Variants in HRH1 observed in about 807,000 individuals in gnomAD.
HRH1 encodes histamine H1 receptor.
In HRH1, 6 loss-of-function variants were observed where a neutral mutation model predicts 10.3. The ratio of observed to expected loss-of-function variants is 0.58; its 90% CI spans 0.32 to 1.15. The LOEUF (loss-of-function observed/expected upper bound fraction) is 1.15. HRH1 is among the 50% of genes most tolerant of loss of function. HRH1 has a pLI of 0.05. For synonymous variants in HRH1, 242 were observed against 236.7 expected (o/e 1.02, Z -0.21); for missense variants, 514 against 615.3 (o/e 0.84, Z 1.74).
upstream of HRH1, among the ~76,000 whole-genome samples, chr3:11,153,468 G>A (rs1326944423): frequency 2.0e-5 from 3 of 152,086 alleles, no homozygotes; most frequent in Admixed American, 6.5e-5. Flanking sequence ...CTGCTACTGG[G>A]AGGAGGCTAA....
intron 1 of HRH1, among the ~76,000 whole-genome samples, chr3:11,185,410 C>T (rs115835500): frequency 1.3e-5 from 2 of 152,288 alleles, no homozygotes; most frequent in African/African-American, 2.4e-5. Context: ...TTTGTCTACC[C>T]ATTAAATGTG....
intron 1 of HRH1, among the ~76,000 whole-genome samples, chr3:11,156,782 C>A (rs1307352354): frequency 1.3e-5 from 2 of 152,180 alleles, no homozygotes; most frequent in Non-Finnish European, 2.9e-5. Flanking sequence ...GTTGTTGTTG[C>A]TATTAAGGCC....
intron 1 of HRH1, among the ~76,000 whole-genome samples, chr3:11,241,048 T>C (rs1321701176): frequency 6.6e-6 from 1 of 152,176 alleles, no homozygotes; most frequent in Non-Finnish European, 1.5e-5. Context: ...TTTATTTTTA[T>C]TTTTTTATTG....
intron 1 of HRH1, among the ~76,000 whole-genome samples, chr3:11,180,600 CT>C (rs1211499608): frequency 3.9e-5 from 6 of 152,110 alleles, no homozygotes; most frequent in African/African-American, 1.4e-4. Flanking sequence ...TTGGGTACCC[CT>C]GTCCTATACC....
At chr3:11,228,390 T>A (rs995520730) in intron 1 of HRH1, among the ~76,000 whole-genome samples, 5 of 150,842 alleles carry the variant, frequency 3.3e-5, no homozygotes, top group African/African-American at 9.7e-5. Context: ...CTAACAAAAT[T>A]TTTTTTTTTA....
At chr3:11,168,839 G>T (rs1050203233) in intron 1 of HRH1, among the ~76,000 whole-genome samples, 1 of 152,258 alleles carries the variant, frequency 6.6e-6, no homozygotes, top group East Asian at 1.9e-4. Context: ...GAACCCGGGA[G>T]TGATGTCTCT....
chr3:11,242,530 G>A (rs1174239586), intron 1 of HRH1, among the ~76,000 whole-genome samples: 1 of 143,828 alleles, frequency 7.0e-6, no homozygotes, highest in Non-Finnish European at 1.5e-5. Flanking sequence ...TCACTGCAAA[G>A]GTCTGCGTCG....
chr3:11,181,150 G>A (rs887451511), intron 1 of HRH1, among the ~76,000 whole-genome samples: 1 of 152,086 alleles, frequency 6.6e-6, no homozygotes. Flanking sequence ...AGGCCTAGTG[G>A]CATGTGCCTG....
At chr3:11,194,502 C>T (rs1463036738) in intron 1 of HRH1, among the ~76,000 whole-genome samples, 2 of 152,156 alleles carry the variant, frequency 1.3e-5, no homozygotes, top group African/African-American at 2.4e-5. Flanking sequence ...CTTCATATAC[C>T]AACTGTACTA....
chr3:11,152,310 C>T (rs971987218), upstream of HRH1, among the ~76,000 whole-genome samples: 3 of 152,160 alleles, frequency 2.0e-5, no homozygotes, highest in Non-Finnish European at 4.4e-5. Context: ...TTGATTGTGC[C>T]CTTCTGCTCC....
Position 11,197,165 on chromosome 3 carries a change from A to G in HRH1, c.-36+42611A>G, listed in dbSNP as rs1054843912. 9.3e-5 allele frequency among the ~76,000 whole-genome samples: 14 copies of G among 151,022 alleles called. 1 individual carries two copies. Among genetic ancestry groups the G allele is most frequent in the Admixed American group, 8.6e-4 (13 of 15,192 alleles). On this transcript the variant is annotated intron_variant, in intron 1 of 1. Coordinates refer to ENST00000431010, the MANE Select transcript of HRH1 (RefSeq NM_001098212.2). Reference sequence around the variant, plus strand: ...AGCAGAATCTCAGGCTGGCCCAGCCATATTCAACTGGAATCTGAAATATAA... The same window carrying G: ...AGCAGAATCTCAGGCTGGCCCAGCCGTATTCAACTGGAATCTGAAATATAA...
intron 1 of HRH1, among the ~76,000 whole-genome samples, chr3:11,254,586 T>G (rs1939736889): frequency 6.6e-6 from 1 of 152,198 alleles, no homozygotes; most frequent in Non-Finnish European, 1.5e-5. Flanking sequence ...AGAGTCCAGG[T>G]TTATTCATCA....
chr3:11,161,864 C>T (rs1292190767), intron 1 of HRH1, among the ~76,000 whole-genome samples: 1 of 152,210 alleles, frequency 6.6e-6, no homozygotes. Context: ...ACTGGTCTCT[C>T]CTGTAGGGGG....
At chr3:11,168,012 G>T (rs1559258368) in intron 1 of HRH1, among the ~76,000 whole-genome samples, 1 of 152,170 alleles carries the variant, frequency 6.6e-6, no homozygotes, top group African/African-American at 2.4e-5. Context: ...AAGGTGTAAG[G>T]TGAAATGCAG....
intron 1 of HRH1, among the ~76,000 whole-genome samples, chr3:11,144,399 A>ATAGACG (rs1559249675): frequency 2.2e-4 from 6 of 27,782 alleles, no homozygotes; most frequent in Non-Finnish European, 6.3e-4. Flanking sequence ...GTATATATAC[A>ATAGACG]TATAGACATA....
intron 1 of HRH1, among the ~76,000 whole-genome samples, chr3:11,172,327 T>C (rs1335484141): frequency 6.6e-6 from 1 of 152,252 alleles, no homozygotes; most frequent in Admixed American, 6.5e-5. Context: ...GCAGTAGCCC[T>C]GTTGGGTCAC....
Position 11,247,410 on chromosome 3 carries a change from C to T in HRH1, c.-35-11593C>T, listed in dbSNP as rs117939919. Among the ~76,000 whole-genome samples the T allele has an allele frequency of 7.0e-4, 106 of 152,324 alleles. No homozygotes were observed. The East Asian group carries it at 0.014, about 21-fold the overall frequency. On this transcript the variant is annotated intron_variant, in intron 1 of 1. Coordinates refer to ENST00000431010, the MANE Select transcript of HRH1 (RefSeq NM_001098212.2). ...CAGGGTAGGGCAGGGGTTTTTATCC[C>T]TAATGCAGTTCCTAGCACTTCTGTG...
In HRH1 at chr3:11,252,348, A is replaced by T. The variant is rs375488578; in HGVS notation, c.-35-6655A>T. Among the ~76,000 whole-genome samples, 90 of 152,314 alleles carry T rather than the reference A, an allele frequency of 5.9e-4. 1 individual carries two copies. Among genetic ancestry groups the T allele is most frequent in the African/African-American group, 1.8e-3 (74 of 41,572 alleles). ...CTTCATCCCACAGAAAATTTAAGAC[A>T]TGGGTTGAGAAAGCTGCTACTTCTT... is the stretch of plus-strand genomic sequence containing the variant. On this transcript the variant is annotated intron_variant, in intron 1 of 1. Coordinates refer to ENST00000431010, the MANE Select transcript of HRH1 (RefSeq NM_001098212.2).
intron 1 of HRH1, among the ~76,000 whole-genome samples, chr3:11,165,829 GA>G (rs1330004674): frequency 6.6e-6 from 1 of 152,208 alleles, no homozygotes; most frequent in Non-Finnish European, 1.5e-5. Context: ...ATTTGGAGCT[GA>G]TCTCAGCTTC....
Sources: gnomAD v4.1 joint callset for allele counts (sites outside exome capture counted in the v4.1 genomes callset) on GRCh38, gnomAD v4.1.1 for gene constraint, MANE v1.5 for transcripts, NCBI Gene and HGNC (gene_info 2026-07-23, HGNC 2026-07-21) for gene names.